DOCK3: variants seen among roughly 807,000 people sequenced by gnomAD.
The protein encoded by DOCK3 is dedicator of cytokinesis 3, also known as dedicator of cytokinesis protein 3.
DOCK3 carries 60 observed loss-of-function variants against 265.6 expected under a neutral mutation model. The ratio of observed to expected loss-of-function variants is 0.23; its 90% CI spans 0.18 to 0.28. DOCK3 has a LOEUF of 0.28. Among genes scored for constraint, DOCK3 ranks in the 10% least tolerant of loss-of-function variants. DOCK3 has a pLI of 1.00. For missense variants in DOCK3, 1,981 were observed against 2,594.3 expected (o/e 0.76, Z 5.14); for synonymous variants, 881 against 938.0 (o/e 0.94, Z 1.11).
At chr3:51,018,246 T>C (rs900794383) in intron 5 of DOCK3, among the ~76,000 whole-genome samples, 1 of 151,826 alleles carries the variant, frequency 6.6e-6, no homozygotes, top group Non-Finnish European at 1.5e-5. Context: ...TTTTCATTTG[T>C]CCATTCTGCT....
chr3:50,928,352 C>G (rs1245404745), intron 4 of DOCK3, among the ~76,000 whole-genome samples: 1 of 152,020 alleles, frequency 6.6e-6, no homozygotes, highest in Non-Finnish European at 1.5e-5. Context: ...TTTTCTGTCT[C>G]TATGAATTTT....
chr3:50,720,480 T>C (rs1017104537), intron 1 of DOCK3, among the ~76,000 whole-genome samples: 2 of 152,262 alleles, frequency 1.3e-5, no homozygotes, highest in African/African-American at 4.8e-5. Flanking sequence ...TCATTCTTTT[T>C]TATGGCTGTG....
intron 4 of DOCK3, among the ~76,000 whole-genome samples, chr3:50,905,575 G>A (rs966638772): frequency 6.6e-6 from 1 of 152,018 alleles, no homozygotes; most frequent in African/African-American, 2.4e-5. Flanking sequence ...TCTGTTATTG[G>A]TGTAGAGGAA....
intron 5 of DOCK3, among the ~76,000 whole-genome samples, chr3:50,956,376 A>G (rs2076730539): frequency 6.6e-6 from 1 of 152,178 alleles, no homozygotes; most frequent in Non-Finnish European, 1.5e-5. Context: ...CTCCTTGTGT[A>G]ATTGGATGCT....
At chr3:50,810,917 C>G (rs1676183405) in intron 2 of DOCK3, among the ~76,000 whole-genome samples, 1 of 152,078 alleles carries the variant, frequency 6.6e-6, no homozygotes, top group South Asian at 2.1e-4. Flanking sequence ...TTACATTTGT[C>G]AAAGCTCATT....
intron 26 of DOCK3, chr3:51,278,267 G>A: frequency 1.0e-6 from 1 of 985,336 alleles, no homozygotes; most frequent in Non-Finnish European, 1.2e-6. Context: ...AGTGAATAAC[G>A]ATTTTTCTGT....
Position 51,357,024 on chromosome 3 carries a change from C to T in DOCK3, c.4566C>T (p.Arg1522=). 1 of 1,613,492 alleles carries T rather than the reference C, an allele frequency of 6.2e-7. No individual in the cohort carries two copies. Among genetic ancestry groups the T allele is most frequent in the Non-Finnish European group, 8.5e-7 (1 of 1,179,882 alleles). The change falls in exon 44 of 53, where the codon CGC becomes CGT. Residue 1522 remains arginine, a synonymous_variant. Transcript: ENST00000266037. ...QVVENKNQEL[R]SLISQYQHKQ... Reference sequence around the variant, plus strand: ...TTGAGAATAAGAACCAGGAGCTACGCTCCCTGATCAGCCAGTATCAACACA... The same window carrying T: ...TTGAGAATAAGAACCAGGAGCTACGTTCCCTGATCAGCCAGTATCAACACA...
At chr3:50,746,183 C>A (rs1386233997) in intron 1 of DOCK3, among the ~76,000 whole-genome samples, 1 of 147,718 alleles carries the variant, frequency 6.8e-6, no homozygotes, top group African/African-American at 2.5e-5. Context: ...AATCTCGGCT[C>A]ACTGCAACCT....
At chr3:51,264,435 C>T (rs1392855208) in intron 23 of DOCK3, among the ~76,000 whole-genome samples, 1 of 152,122 alleles carries the variant, frequency 6.6e-6, no homozygotes, top group African/African-American at 2.4e-5. Flanking sequence ...ACTAAATGCC[C>T]ACAGGAGAAA....
At chr3:51,357,880 G>A in intron 45 of DOCK3, 39 bp downstream of exon 45, 2 of 1,613,740 alleles carry the variant, frequency 1.2e-6, no homozygotes, top group Non-Finnish European at 1.7e-6. Flanking sequence ...AGCCAGGTGA[G>A]AAAAGCCATG....
intron 25 of DOCK3, chr3:51,276,495 T>C (rs1166214810): frequency 3.3e-6 from 3 of 921,426 alleles, no homozygotes; most frequent in Admixed American, 6.2e-5. Flanking sequence ...CTAGAGTCAG[T>C]GTAATTAGTT....
At chr3:51,302,789 C>T (rs1560391172) in intron 27 of DOCK3, among the ~76,000 whole-genome samples, 1 of 152,188 alleles carries the variant, frequency 6.6e-6, no homozygotes, top group Non-Finnish European at 1.5e-5. Flanking sequence ...GAAAGGTCTG[C>T]TGTTAGTCTG....
At chr3:50,770,779 C>T (rs1559617389) in intron 1 of DOCK3, among the ~76,000 whole-genome samples, 1 of 152,162 alleles carries the variant, frequency 6.6e-6, no homozygotes, top group East Asian at 1.9e-4. Context: ...CGTACCTTAA[C>T]TGGCAGGTTA....
At chr3:51,135,631 A>G (rs186753586) in intron 9 of DOCK3, among the ~76,000 whole-genome samples, 109 of 152,314 alleles carry the variant, frequency 7.2e-4, no homozygotes, top group African/African-American at 2.6e-3. Flanking sequence ...ATGGTAGTCA[A>G]ATTTGGAAAT....
At chr3:50,867,549 G>C (rs1396411067) in intron 3 of DOCK3, among the ~76,000 whole-genome samples, 2 of 150,770 alleles carry the variant, frequency 1.3e-5, no homozygotes, top group East Asian at 3.9e-4. Context: ...TATTATACTA[G>C]CTGTGGGTCT....
rs371757411 is a variant in DOCK3 at position 51,381,804 on chromosome 3, C to T, written c.*245C>T. On this transcript the variant is annotated 3_prime_UTR_variant, in exon 53 of 53. Transcript: ENST00000266037. This position sits in a 1 kb window ranked among gnomAD's most constrained non-coding sequence, Gnocchi z 5.6. ...TACATTTCCATTTCTATGGGTTTTC[C>T]TTTCTTTCCTTTATGCAGTAGATGC... The T allele has an allele frequency of 1.1e-5, 5 of 458,414 alleles. No individual in the cohort carries two copies. Among genetic ancestry groups the T allele is most frequent in the South Asian group, 5.1e-5 (1 of 19,764 alleles). 28.4% of individuals were successfully genotyped at this position (458,414 alleles called of 1,614,324 possible).
intron 22 of DOCK3, among the ~76,000 whole-genome samples, chr3:51,251,979 GT>G (rs1287591803): frequency 2.6e-5 from 4 of 152,168 alleles, no homozygotes; most frequent in African/African-American, 9.7e-5. Flanking sequence ...TTCTTCTAGG[GT>G]TTTTATGGTT....
intron 1 of DOCK3, among the ~76,000 whole-genome samples, chr3:50,754,832 T>G (rs2040059739): frequency 6.6e-6 from 1 of 152,128 alleles, no homozygotes. Flanking sequence ...GTGCTGAGAT[T>G]ACAGGTGTGA....
At chr3:50,803,786 C>T (rs368480168) in intron 2 of DOCK3, among the ~76,000 whole-genome samples, 110 of 150,548 alleles carry the variant, frequency 7.3e-4, no homozygotes, top group East Asian at 2.0e-3. Context: ...GCTGGCTGGG[C>T]GGGGGCTGCC....
Sources: allele counts gnomAD v4.1 joint callset (sites outside exome capture counted in the v4.1 genomes callset), GRCh38; gene constraint gnomAD v4.1.1; non-coding constraint Gnocchi (gnomAD v3.1); transcripts MANE v1.5; gene names NCBI Gene and HGNC (gene_info 2026-07-23, HGNC 2026-07-21).